The following RUNX1 variants were observed in gnomAD, a reference collection of about 807,000 sequenced individuals.
The protein encoded by RUNX1 is runt-related transcription factor 1.
A neutral mutation model predicts 42.8 loss-of-function variants in RUNX1; 19 were observed. That is an observed-to-expected ratio of 0.44 (90% CI 0.31 to 0.65). RUNX1 has a LOEUF of 0.65. Among genes scored for constraint, RUNX1 ranks in the 30% least tolerant of loss-of-function variants. The probability of loss-of-function intolerance (pLI) is 0.07; values close to 1 mark genes in which losing one functional copy is unlikely to be tolerated. For synonymous variants in RUNX1, 271 were observed against 289.4 expected, an observed-to-expected ratio of 0.94 and a Z score of 0.64; for missense variants, 528 against 672.0, an observed-to-expected ratio of 0.79 and a Z score of 2.37.
intron 2 of RUNX1, among the ~76,000 whole-genome samples, chr21:35,037,348 G>A (rs1342476439): frequency 6.6e-6 from 1 of 152,162 alleles, no homozygotes. Flanking sequence ...AGTTCTGATG[G>A]GAGAAACACG....
chr21:34,989,961 C>T (rs947048714), intron 2 of RUNX1, among the ~76,000 whole-genome samples: 1 of 152,160 alleles, frequency 6.6e-6, no homozygotes, highest in Non-Finnish European at 1.5e-5. Context: ...GGGACGGGAG[C>T]ATGCTCACAG....
At chr21:34,835,891 T>C (rs909630694) in intron 6 of RUNX1, among the ~76,000 whole-genome samples, 2 of 152,068 alleles carry the variant, frequency 1.3e-5, no homozygotes, top group African/African-American at 4.8e-5. Context: ...CCACGAGAAG[T>C]GCACTGTAGT....
chr21:34,879,274 A>G (rs2057861166), intron 5 of RUNX1, among the ~76,000 whole-genome samples: 1 of 152,232 alleles, frequency 6.6e-6, no homozygotes, highest in South Asian at 2.1e-4. Flanking sequence ...ATGCTTTCAA[A>G]AAGTGGATAT....
intron 8 of RUNX1, among the ~76,000 whole-genome samples, chr21:34,798,863 A>G (rs1308971255): frequency 6.6e-6 from 1 of 152,152 alleles, no homozygotes; most frequent in African/African-American, 2.4e-5. Flanking sequence ...ATGGATACCA[A>G]GGGGCGGCTG....
chr21:34,957,649 C>T (rs760776128), intron 2 of RUNX1, among the ~76,000 whole-genome samples: 40 of 152,248 alleles, frequency 2.6e-4, no homozygotes, highest in African/African-American at 8.4e-4. Context: ...TTCAGATATT[C>T]GTACATTCTA....
intron 2 of RUNX1, among the ~76,000 whole-genome samples, chr21:34,950,217 A>G (rs2058596479): frequency 6.6e-6 from 1 of 152,232 alleles, no homozygotes; most frequent in East Asian, 1.9e-4. Flanking sequence ...ATTGTTACAC[A>G]GCTACATTGT....
chr21:34,852,718 G>A (rs1036605002), intron 6 of RUNX1, among the ~76,000 whole-genome samples: 22 of 152,314 alleles, frequency 1.4e-4, no homozygotes, highest in Non-Finnish European at 2.9e-4. Context: ...CTTTAGGTGG[G>A]AGGGGAGGAA....
chr21:34,887,251 G>GT, intron 3 of RUNX1, 155 bp from the exon 4 acceptor site: 1 of 944,062 alleles, frequency 1.1e-6, no homozygotes, highest in Non-Finnish European at 1.4e-6. Flanking sequence ...GTGGGGGGGG[G>GT]CGGGGGTGGT....
chr21:34,888,610 CG>C, intron 3 of RUNX1: 1 of 1,057,626 alleles, frequency 9.5e-7, no homozygotes, highest in South Asian at 4.6e-5. Flanking sequence ...AAGTGCCTGG[CG>C]GCGCAGGGCC....
intron 4 of RUNX1, among the ~76,000 whole-genome samples, chr21:34,883,082 C>A (rs892945196): frequency 3.3e-5 from 5 of 152,354 alleles, no homozygotes; most frequent in African/African-American, 1.2e-4. Flanking sequence ...CTGTGCCTCT[C>A]TCATCTTTCC....
intron 6 of RUNX1, among the ~76,000 whole-genome samples, chr21:34,836,900 G>A (rs987500750): frequency 1.4e-4 from 21 of 152,204 alleles, no homozygotes; most frequent in Admixed American, 3.3e-4. Context: ...GCCAGCAAGC[G>A]TGGGGACCTG....
At chr21:34,927,508 C>T (rs2058404994) in intron 2 of RUNX1, among the ~76,000 whole-genome samples, 1 of 152,228 alleles carries the variant, frequency 6.6e-6, no homozygotes, top group African/African-American at 2.4e-5. Context: ...CTCTTCTCCT[C>T]TGCGCCTTGG....
intron 2 of RUNX1, among the ~76,000 whole-genome samples, chr21:34,981,532 T>G (rs966185786): frequency 6.6e-6 from 1 of 152,222 alleles, no homozygotes; most frequent in Non-Finnish European, 1.5e-5. Flanking sequence ...TGGATTTAAC[T>G]TTCTCCTGGA....
intron 2 of RUNX1, among the ~76,000 whole-genome samples, chr21:35,002,122 TTATTAC>T (rs1008529189): frequency 1.3e-5 from 2 of 151,936 alleles, no homozygotes; most frequent in African/African-American, 4.8e-5. Flanking sequence ...ATTATTATTA[TTATTAC>T]TATTTTTACA....
Position 34,825,578 on chromosome 21 carries a change from A to G in RUNX1, c.805+8832T>C, listed in dbSNP as rs1254660602. ...TTCAGTTCACATTTACCTGTCTACC[A>G]TGTTTGTTCTGGGGGATGGACTTGG... On this transcript the variant is annotated intron_variant, in intron 7 of 8. Coordinates refer to ENST00000675419, the MANE Select transcript of RUNX1 (RefSeq NM_001754.5). Among the ~76,000 whole-genome samples the G allele has an allele frequency of 2.0e-5, 3 of 152,124 alleles. No homozygotes were observed. In the East Asian group the frequency reaches 5.8e-4, roughly 29 times the overall value.
intron 7 of RUNX1, among the ~76,000 whole-genome samples, chr21:34,819,001 C>A (rs898933192): frequency 2.6e-4 from 40 of 152,148 alleles, no homozygotes; most frequent in African/African-American, 9.7e-4. Context: ...GCTGAGCGCT[C>A]TGATATGGGT....
At chr21:35,022,306 G>A (rs2059204402) in intron 2 of RUNX1, among the ~76,000 whole-genome samples, 1 of 152,216 alleles carries the variant, frequency 6.6e-6, no homozygotes, top group Non-Finnish European at 1.5e-5. Context: ...GTAAAGAGAG[G>A]TTCCTTCTCG....
In RUNX1 at chr21:34,791,534, C is replaced by G. The variant is rs2056434768; in HGVS notation, c.*601G>C. 1 of 230,692 alleles carries G rather than the reference C, an allele frequency of 4.3e-6. No individual in the cohort carries two copies. Among genetic ancestry groups the G allele is most frequent in the Non-Finnish European group, 8.6e-6 (1 of 116,682 alleles). The allele number at this position is 230,692 out of a possible 1,614,324, so 14.3% of individuals were successfully genotyped here. A position where few individuals can be genotyped will look rare whatever the true frequency, so the allele number is the denominator to read the frequency against. On this transcript the variant is annotated 3_prime_UTR_variant, in exon 9 of 9. Coordinates refer to ENST00000675419, the MANE Select transcript of RUNX1 (RefSeq NM_001754.5). ...AGGGAATCATATTTCTTTCCATGGT[C>G]AAAGCAAGAAAGAAGCAAGCTCAAT...
chr21:34,887,414 G>T, intron 3 of RUNX1: 2 of 1,370,384 alleles, frequency 1.5e-6, no homozygotes, highest in Non-Finnish European at 1.9e-6. Flanking sequence ...TGCTTGCAGA[G>T]GTTAAGTTCT....
Sources: gnomAD v4.1 joint callset for allele counts (sites outside exome capture counted in the v4.1 genomes callset) on GRCh38, gnomAD v4.1.1 for gene constraint, MANE v1.5 for transcripts, NCBI Gene and HGNC (gene_info 2026-07-23, HGNC 2026-07-21) for gene names.